The following SMARCAL1 variants were observed in gnomAD, a reference collection of about 807,000 sequenced individuals.
SMARCAL1 encodes the protein SNF2 related chromatin remodeling annealing helicase 1.
Under a neutral mutation model 94.5 loss-of-function variants are expected in SMARCAL1, and 58 were observed. That is an observed-to-expected ratio of 0.61 (90% CI 0.50 to 0.76). The LOEUF is 0.76. Among genes scored for constraint, SMARCAL1 ranks in the 30% least tolerant of loss-of-function variants. The pLI, the probability that SMARCAL1 is intolerant of heterozygous loss-of-function variation, is 0.00. For missense variants in SMARCAL1, 1,051 were observed against 1,177.9 expected (o/e 0.89, Z 1.58); for synonymous variants, 422 against 455.1 (o/e 0.93, Z 0.93).
intron 5 of SMARCAL1, among the ~76,000 whole-genome samples, 162 bp downstream of exon 5, chr2:216,420,694 A>G (rs1206117465): frequency 2.6e-5 from 4 of 152,180 alleles, no homozygotes; most frequent in Non-Finnish European, 5.9e-5. Context: ...ATTGTTCCAG[A>G]TAGTAAACAT....
intron 6 of SMARCAL1, among the ~76,000 whole-genome samples, chr2:216,424,304 A>C (rs1230561389): frequency 6.6e-6 from 1 of 152,196 alleles, no homozygotes; most frequent in Non-Finnish European, 1.5e-5. Flanking sequence ...TGGGGCAATA[A>C]ATTCTAATAT....
intron 4 of SMARCAL1, among the ~76,000 whole-genome samples, chr2:216,417,571 T>A (rs1693628951): frequency 6.6e-6 from 1 of 152,252 alleles, no homozygotes; most frequent in Admixed American, 6.5e-5. Context: ...ATTTAACTTA[T>A]TAACCTCTTT....
At chr2:216,423,143 A>G (rs959507252) in intron 5 of SMARCAL1, among the ~76,000 whole-genome samples, 1 of 152,244 alleles carries the variant, frequency 6.6e-6, no homozygotes, top group African/African-American at 2.4e-5. Context: ...AGGCAGAGCC[A>G]AAATTGAAAC....
intron 12 of SMARCAL1, 26 bp from the exon 13 acceptor site, chr2:216,464,571 A>G (rs1195740584): frequency 6.4e-7 from 1 of 1,572,334 alleles, no homozygotes; most frequent in Non-Finnish European, 8.8e-7. Flanking sequence ...TGGGGCACTT[A>G]ACATTCTTAA....
rs148605866 is a variant in SMARCAL1, at chr2:216,475,872, A to G, written c.2427+421A>G. 1.0e-3 allele frequency among the ~76,000 whole-genome samples: 157 copies of G among 152,202 alleles called. 2 individuals carry two copies. The highest frequency in any genetic ancestry group is 3.5e-3 in the African/African-American group (146 of 41,548). ...TTGAAGTCTTCCAGGGCTAGAAGGA[A>G]TCTTGACTTCATGTCTCATAGGAGG... is the stretch of plus-strand genomic sequence containing the variant. On this transcript the variant is annotated intron_variant, in intron 15 of 17. Coordinates refer to ENST00000357276, the MANE Select transcript of SMARCAL1 (RefSeq NM_014140.4). The surrounding 1 kb of genome is among the most constrained non-coding windows in gnomAD (Gnocchi z 4.4).
intron 12 of SMARCAL1, among the ~76,000 whole-genome samples, chr2:216,457,824 A>G (rs1307157312): frequency 6.6e-6 from 1 of 152,228 alleles, no homozygotes; most frequent in Non-Finnish European, 1.5e-5. Context: ...AAGGCAAGAA[A>G]TAACTAAGAT....
At position 216,474,128 on chromosome 2, in the gene SMARCAL1, C is replaced by CTTTTTTTTTTTTTT. The variant is rs1182416023; in HGVS notation, c.2245-1125_2245-1112dup. ...ATTTATATAACATTTGTATAGCATTCTTTTTTTTTTTTTTTTTTTTTTTTT... is the reference window on the plus strand; with the variant it reads ...ATTTATATAACATTTGTATAGCATTCTTTTTTTTTTTTTTTTTTTTTTTTTTTTTTTTTTTTTTT... On this transcript the variant is annotated intron_variant, in intron 14 of 17. Transcript: ENST00000357276. 2.2e-4 allele frequency among the ~76,000 whole-genome samples: 14 copies of CTTTTTTTTTTTTTT among 64,924 alleles called. 2 individuals are homozygous for CTTTTTTTTTTTTTT. Among genetic ancestry groups the CTTTTTTTTTTTTTT allele is most frequent in the African/African-American group, 8.1e-4 (14 of 17,186 alleles). The allele number at this position is 64,924 out of a possible 152,430, so 42.6% of individuals were successfully genotyped here. A position where few individuals can be genotyped will look rare whatever the true frequency, so the allele number is the denominator to read the frequency against.
chr2:216,428,532 C>G (rs1693889553), intron 6 of SMARCAL1, 64 bp from the exon 7 acceptor site: 1 of 1,495,380 alleles, frequency 6.7e-7, no homozygotes, highest in Non-Finnish European at 9.3e-7. Flanking sequence ...TCCCAAAGCT[C>G]CTCTTTCTCC....
intron 17 of SMARCAL1, among the ~76,000 whole-genome samples, chr2:216,480,240 G>A (rs868851353): frequency 6.6e-6 from 1 of 152,054 alleles, no homozygotes; most frequent in Non-Finnish European, 1.5e-5. Flanking sequence ...TTAAGATGGG[G>A]CTGAAAATTT....
chr2:216,476,049 C>T (rs1026459099), intron 15 of SMARCAL1, among the ~76,000 whole-genome samples: 2 of 152,138 alleles, frequency 1.3e-5, no homozygotes, highest in Admixed American at 1.3e-4. Flanking sequence ...TAACAATGGA[C>T]CTCACACAGA....
intron 9 of SMARCAL1, among the ~76,000 whole-genome samples, chr2:216,437,934 G>A (rs1574460258): frequency 6.6e-6 from 1 of 152,072 alleles, no homozygotes; most frequent in African/African-American, 2.4e-5. Context: ...GTTTACACTC[G>A]CCTCAGTGAC....
At chr2:216,450,543 A>G (rs1694425330) in intron 11 of SMARCAL1, among the ~76,000 whole-genome samples, 1 of 152,224 alleles carries the variant, frequency 6.6e-6, no homozygotes, top group Non-Finnish European at 1.5e-5. Context: ...TTGTTTTTTA[A>G]TAAAATGGAC....
intron 6 of SMARCAL1, among the ~76,000 whole-genome samples, chr2:216,426,744 T>C (rs909431883): frequency 5.9e-5 from 9 of 152,214 alleles, no homozygotes; most frequent in African/African-American, 1.9e-4. Flanking sequence ...GCAGTGAGAA[T>C]AGAGCCCAGT....
intron 17 of SMARCAL1, among the ~76,000 whole-genome samples, chr2:216,479,881 ATC>A (rs1695160696): frequency 6.6e-6 from 1 of 152,062 alleles, no homozygotes; most frequent in African/African-American, 2.4e-5. Flanking sequence ...TGAAACCCCC[ATC>A]TCTACAAAAA....
intron 7 of SMARCAL1, 65 bp from the exon 8 acceptor site, chr2:216,432,653 C>CGGTG: frequency 6.3e-7 from 1 of 1,597,868 alleles, no homozygotes; most frequent in Non-Finnish European, 8.6e-7. Flanking sequence ...GCTGACCCAC[C>CGGTG]GGACATGAGG....
At chr2:216,439,758 C>A (rs140651185) in intron 10 of SMARCAL1, among the ~76,000 whole-genome samples, 8 of 152,256 alleles carry the variant, frequency 5.3e-5, no homozygotes, top group Middle Eastern at 3.4e-3. Flanking sequence ...GAATAAAAGT[C>A]TTTTACTGCA....
intron 10 of SMARCAL1, among the ~76,000 whole-genome samples, chr2:216,442,291 C>T (rs1458885221): frequency 6.6e-6 from 1 of 151,986 alleles, no homozygotes; most frequent in East Asian, 1.9e-4. Flanking sequence ...GTGGCACACA[C>T]CTGTAATCCC....
chr2:216,468,534 G>T (rs1694884313), intron 14 of SMARCAL1, among the ~76,000 whole-genome samples: 1 of 152,050 alleles, frequency 6.6e-6, no homozygotes, highest in African/African-American at 2.4e-5. Flanking sequence ...GATTTCCAAG[G>T]ATGTTTATGA....
intron 7 of SMARCAL1, among the ~76,000 whole-genome samples, chr2:216,430,284 A>G (rs1239952387): frequency 2.0e-5 from 3 of 152,134 alleles, no homozygotes; most frequent in African/African-American, 7.2e-5. Flanking sequence ...TGTCAATTCT[A>G]TGTTTTGTTT....
Sources: gnomAD v4.1 joint callset for allele counts (sites outside exome capture counted in the v4.1 genomes callset) on GRCh38, gnomAD v4.1.1 for gene constraint, Gnocchi (gnomAD v3.1) non-coding constraint, MANE v1.5 for transcripts, NCBI Gene and HGNC (gene_info 2026-07-23, HGNC 2026-07-21) for gene names.